The following USPL1 variants were observed in gnomAD, a reference collection of about 807,000 sequenced individuals.
USPL1 encodes the protein SUMO-specific isopeptidase USPL1.
Under a neutral mutation model 51.5 loss-of-function variants are expected in USPL1, and 27 were observed. The observed-to-expected ratio is 0.52, with a 90% CI of 0.39 to 0.72. The LOEUF (loss-of-function observed/expected upper bound fraction) is 0.72, where lower values mean the gene tolerates loss of function less well. Ranked by LOEUF, USPL1 falls within the 30% of genes least tolerant of loss-of-function variation. USPL1 has a pLI of 0.00. For synonymous variants in USPL1, 451 were observed against 459.6 expected (o/e 0.98, Z 0.24); for missense variants, 1,226 against 1,268.0 (o/e 0.97, Z 0.50).
At position 30,657,722 on chromosome 13, in the gene USPL1, C is replaced by T; in HGVS notation, c.1645C>T (p.His549Tyr). ...AASAETASVT[H>Y]PKDISVAPRT... ...CTCAGCTGAAACAGCCTCAGTAACT[C>T]ACCCTAAAGATATATCAGTTGCCCC... Residue 549 changes from histidine (H) to tyrosine (Y), a missense_variant, in exon 9 of 9, where the codon CAC becomes TAC. Physicochemically the swap from His to Tyr is moderately conservative, Grantham distance 83. Coordinates refer to ENST00000255304, the MANE Select transcript of USPL1 (RefSeq NM_005800.5). 1 of 1,614,198 alleles carries T rather than the reference C, an allele frequency of 6.2e-7. No individual in the cohort carries two copies. The highest frequency in any genetic ancestry group is 8.5e-7 in the Non-Finnish European group (1 of 1,180,034).
At chr13:30,638,914 A>G (rs1368754902) in intron 5 of USPL1, among the ~76,000 whole-genome samples, 1 of 150,204 alleles carries the variant, frequency 6.7e-6, no homozygotes, top group East Asian at 1.9e-4. Context: ...ACATATTTAT[A>G]TACTTAGAAT....
At chr13:30,634,966 T>C (rs1950856558) in intron 4 of USPL1, among the ~76,000 whole-genome samples, 2 of 152,214 alleles carry the variant, frequency 1.3e-5, no homozygotes, top group African/African-American at 4.8e-5. Context: ...TATATATTGC[T>C]CATATTTGTT....
At position 30,630,894 on chromosome 13, in the gene USPL1, A is replaced by G; in HGVS notation, c.288A>G (p.Glu96=). The G allele has an allele frequency of 1.2e-6, 2 of 1,613,930 alleles. No individual in the cohort carries two copies. The highest frequency in any genetic ancestry group is 1.7e-6 in the Non-Finnish European group (2 of 1,179,966). The change falls in exon 4 of 9, where the codon GAA becomes GAG. Residue 96 remains glutamate, a synonymous_variant. Transcript: ENST00000255304. ...ACCTAATTTCTCCTGATTTGGAAGAATGTCACACTCCACATAAGCCTCAGA... is the reference window on the plus strand; with the variant it reads ...ACCTAATTTCTCCTGATTTGGAAGAGTGTCACACTCCACATAAGCCTCAGA... ...LNNLISPDLE[E]CHTPHKPQKR...
At chr13:30,633,742 C>G (rs1477824480) in intron 4 of USPL1, among the ~76,000 whole-genome samples, 1 of 144,200 alleles carries the variant, frequency 6.9e-6, no homozygotes, top group Non-Finnish European at 1.5e-5. Flanking sequence ...GATCACGCCA[C>G]TGCACTCCAA....
Position 30,658,375 on chromosome 13 carries a change from G to C in USPL1, c.2298G>C (p.Arg766Ser). 1 of 1,613,672 alleles carries C rather than the reference G, an allele frequency of 6.2e-7. No individual in the cohort carries two copies. Among genetic ancestry groups the C allele is most frequent in the South Asian group, 1.1e-5 (1 of 91,042 alleles). Residue 766 changes from arginine (R) to serine (S), a missense_variant, in exon 9 of 9, where the codon AGG (arginine) becomes AGC (serine). Arg to Ser is a moderately radical substitution (Grantham distance 110). Transcript: ENST00000255304. ...VGSWVKGLISRGASFMPLCVS... is the reference protein window; with the variant it reads ...VGSWVKGLISSGASFMPLCVS... ...GTTGGGTTAAAGGCTTAATAAGCAG[G>C]GGTGCTTCTTTTATGCCACTCTGTG...
chr13:30,635,184 C>A (rs1340010312), intron 4 of USPL1, among the ~76,000 whole-genome samples: 1 of 152,142 alleles, frequency 6.6e-6, no homozygotes, highest in South Asian at 2.1e-4. Context: ...TTTATCTTTT[C>A]ATTTGGAGCT....
intron 4 of USPL1, among the ~76,000 whole-genome samples, chr13:30,632,907 G>T (rs1950826420): frequency 6.6e-6 from 1 of 152,042 alleles, no homozygotes; most frequent in South Asian, 2.1e-4. Context: ...TGTAAAATAG[G>T]ATACTTATGA....
intron 1 of USPL1, among the ~76,000 whole-genome samples, chr13:30,618,922 A>G (rs1300886014): frequency 1.3e-5 from 2 of 152,220 alleles, no homozygotes; most frequent in East Asian, 3.9e-4. Flanking sequence ...TGACAGGCTC[A>G]GACTTGTAGA....
Position 30,630,966 on chromosome 13 carries a change from A to C in USPL1, c.360A>C (p.Ala120=), listed in dbSNP as rs1566049102. The C allele has an allele frequency of 6.2e-7, 1 of 1,614,158 alleles. No homozygotes were observed. The highest frequency in any genetic ancestry group is 8.5e-7 in the Non-Finnish European group (1 of 1,180,042). The change falls in exon 4 of 9, where the codon GCA becomes GCC. Residue 120 remains alanine, a synonymous_variant. Transcript: ENST00000255304. ...GCTATAAGGATTCACTTCTTTTAGC[A>C]AATTCCAAAAAGACTAGAAATTATA... ...ESSYKDSLLL[A]NSKKTRNYIA...
At position 30,658,530 on chromosome 13, in the gene USPL1, G is replaced by A. The variant is rs746246739; in HGVS notation, c.2453G>A (p.Ser818Asn). 3.1e-6 allele frequency: 5 copies of A among 1,613,958 alleles called. No individual in the cohort carries two copies. The highest frequency in any genetic ancestry group is 1.1e-5 in the South Asian group (1 of 91,088). Reference protein sequence around the residue: ...ASHVSKKARKSASKPPPISKP... With the variant: ...ASHVSKKARKNASKPPPISKP... ...CACGTATCCAAGAAAGCTCGTAAGA[G>A]TGCAAGTAAGCCTCCTCCCATCAGT... The change falls in exon 9 of 9, where the codon AGT (serine) becomes AAT (asparagine). Residue 818 changes from serine to asparagine, a missense_variant. Coordinates refer to ENST00000255304, the MANE Select transcript of USPL1 (RefSeq NM_005800.5).
intron 1 of USPL1, among the ~76,000 whole-genome samples, chr13:30,620,288 G>A (rs1006732105): frequency 3.3e-5 from 5 of 152,096 alleles, no homozygotes; most frequent in African/African-American, 1.2e-4. Context: ...TCTGCTAAGT[G>A]GTAATTCTCC....
intron 1 of USPL1, among the ~76,000 whole-genome samples, chr13:30,619,741 G>GT (rs1285244485): frequency 6.7e-6 from 1 of 149,378 alleles, no homozygotes; most frequent in African/African-American, 2.6e-5. Flanking sequence ...CCTGAAAAGC[G>GT]TAAGTTTGAC....
chr13:30,652,493 G>C (rs1187269309), intron 7 of USPL1, among the ~76,000 whole-genome samples: 1 of 152,096 alleles, frequency 6.6e-6, no homozygotes, highest in Non-Finnish European at 1.5e-5. Context: ...AGACCCATTG[G>C]GTTCTATTTT....
chr13:30,634,612 G>A (rs1158049837), intron 4 of USPL1, among the ~76,000 whole-genome samples: 9 of 152,060 alleles, frequency 5.9e-5, no homozygotes, highest in Admixed American at 2.0e-4. Flanking sequence ...TCATCTACCT[G>A]TCAGTGGACA....
intron 2 of USPL1, 44 bp downstream of exon 2, chr13:30,621,283 T>C (rs527921721): frequency 2.6e-4 from 369 of 1,443,468 alleles, no homozygotes; most frequent in Non-Finnish European, 3.3e-4. Context: ...TTTTTTTTTT[T>C]TCTCTATTTT....
chr13:30,636,525 G>A (rs1950878274), intron 4 of USPL1, among the ~76,000 whole-genome samples: 1 of 152,116 alleles, frequency 6.6e-6, no homozygotes, highest in Admixed American at 6.5e-5. Flanking sequence ...AGTAAGTAGA[G>A]TCAGATGCAT....
intron 5 of USPL1, among the ~76,000 whole-genome samples, chr13:30,640,001 A>G (rs1950925885): frequency 6.6e-6 from 1 of 152,176 alleles, no homozygotes; most frequent in Non-Finnish European, 1.5e-5. Context: ...TAATCATAAT[A>G]ATTGGGCAAG....
chr13:30,643,217 A>G (rs542844863), intron 6 of USPL1, among the ~76,000 whole-genome samples: 1 of 152,300 alleles, frequency 6.6e-6, no homozygotes, highest in African/African-American at 2.4e-5. Context: ...CTTCTCAGCC[A>G]TACTTTCTGC....
rs1224413174 is a variant in USPL1 at position 30,653,069 on chromosome 13, GTTCAC to G, written c.1239-74_1239-70del. On this transcript the variant is annotated intron_variant, in intron 7 of 8. Transcript: ENST00000255304. ...GCCTTGGAAGTGTTATGTGTGACTA[GTTCAC>G]TTCAGACATCTTTTGTATAATCAGA... The G allele has an allele frequency of 1.6e-5, 22 of 1,401,562 alleles. No homozygotes were observed. In the African/African-American group the frequency reaches 2.7e-4, roughly 17 times the overall value. 86.8% of individuals were successfully genotyped at this position (1,401,562 alleles called of 1,614,324 possible).
Sources: allele counts gnomAD v4.1 joint callset (sites outside exome capture counted in the v4.1 genomes callset), GRCh38; gene constraint gnomAD v4.1.1; transcripts MANE v1.5; gene names NCBI Gene and HGNC (gene_info 2026-07-23, HGNC 2026-07-21).